Variants in USP10 observed in about 807,000 individuals in gnomAD.
The protein encoded by USP10 is ubiquitin carboxyl-terminal hydrolase 10.
A neutral mutation model predicts 84.5 loss-of-function variants in USP10; 22 were observed. That is an observed-to-expected ratio of 0.26 (90% CI 0.19 to 0.37). The LOEUF (loss-of-function observed/expected upper bound fraction) is 0.37. Among genes scored for constraint, USP10 ranks in the 10% least tolerant of loss-of-function variants. USP10 has a pLI of 1.00. For missense variants in USP10, 1,019 were observed against 998.9 expected, an observed-to-expected ratio of 1.02 and a Z score of -0.27; for synonymous variants, 454 against 387.6, an observed-to-expected ratio of 1.17 and a Z score of -2.01.
chr16:84,732,298 G>A (rs1909331314), intron 1 of USP10, among the ~76,000 whole-genome samples: 1 of 152,124 alleles, frequency 6.6e-6, no homozygotes, highest in Non-Finnish European at 1.5e-5. Flanking sequence ...TTAGAACAGA[G>A]GAACCACACT....
chr16:84,755,805 A>T (rs1399897293), intron 4 of USP10, among the ~76,000 whole-genome samples: 1 of 152,022 alleles, frequency 6.6e-6, no homozygotes, highest in Non-Finnish European at 1.5e-5. Flanking sequence ...CAAAAAAAAA[A>T]AAAAAAATCA....
intron 11 of USP10, among the ~76,000 whole-genome samples, chr16:84,771,655 G>A (rs1257116788): frequency 6.6e-6 from 1 of 152,138 alleles, no homozygotes; most frequent in African/African-American, 2.4e-5. Flanking sequence ...GATCACCTGA[G>A]GTCAGGAGTT....
intron 4 of USP10, among the ~76,000 whole-genome samples, chr16:84,753,994 A>AT (rs1289135995): frequency 6.6e-6 from 1 of 152,154 alleles, no homozygotes; most frequent in Non-Finnish European, 1.5e-5. Context: ...GCTAGTAGGG[A>AT]TGGCAGTAAC....
chr16:84,775,574 C>T (rs910887725), intron 13 of USP10, among the ~76,000 whole-genome samples: 7 of 152,182 alleles, frequency 4.6e-5, no homozygotes, highest in Admixed American at 4.6e-4. Context: ...GGAGTTTCCA[C>T]GACACCTGGT....
chr16:84,775,037 T>C, intron 12 of USP10, 123 bp from the exon 13 acceptor site: 1 of 812,392 alleles, frequency 1.2e-6, no homozygotes. Context: ...GGATAGAGTG[T>C]TGTTTTGTTC....
chr16:84,745,074 G>A lies in USP10; in HGVS notation c.593G>A (p.Gly198Asp). 2.5e-6 allele frequency: 4 copies of A among 1,613,656 alleles called. No homozygotes were observed. The highest frequency in any genetic ancestry group is 2.5e-6 in the Non-Finnish European group (3 of 1,179,630). Residue 198 changes from glycine (G) to aspartate (D), a missense_variant, in exon 4 of 14, where the codon GGT becomes GAT. By Grantham distance (94) the Gly-to-Asp change is moderately conservative. Coordinates refer to ENST00000219473, the MANE Select transcript of USP10 (RefSeq NM_005153.3). ...AGTGCAGAGGATGCAGAATTTATGG[G>A]TGACATGCCCCCGTCAGTTACGCCC... ...SVSAEDAEFM[G>D]DMPPSVTPRT...
chr16:84,729,413 A>T (rs1226348688), intron 1 of USP10, among the ~76,000 whole-genome samples: 1 of 152,218 alleles, frequency 6.6e-6, no homozygotes, highest in Non-Finnish European at 1.5e-5. Flanking sequence ...TAACTCCCCA[A>T]ATAGAGGATT....
At chr16:84,702,374 T>A (rs1355671363) in intron 1 of USP10, among the ~76,000 whole-genome samples, 1 of 152,136 alleles carries the variant, frequency 6.6e-6, no homozygotes, top group African/African-American at 2.4e-5. Flanking sequence ...TCTCATAATT[T>A]TCATTTTAAA....
rs1308633685 is a variant in USP10, at chr16:84,763,108, C to A, written c.1654+20C>A. The A allele has an allele frequency of 4.5e-6, 7 of 1,550,684 alleles. No homozygotes were observed. In the African/African-American group the frequency reaches 5.4e-5, roughly 12 times the overall value. ...ATGAAAGTAGGTTATGGTCCACTTG[C>A]CGCAGAGTTGTGCAAGAGTTCGCTG... On this transcript the variant is annotated intron_variant, in intron 9 of 13. Coordinates refer to ENST00000219473, the MANE Select transcript of USP10 (RefSeq NM_005153.3).
chr16:84,720,051 A>C (rs7188512), intron 1 of USP10, among the ~76,000 whole-genome samples: 46,225 of 152,120 alleles, frequency 0.3, 7,027 homozygotes, highest in South Asian at 0.37. Context: ...TCTGTGCTTG[A>C]TCTTAACACC....
At chr16:84,766,382 C>T (rs1017389801) in intron 10 of USP10, among the ~76,000 whole-genome samples, 4 of 152,266 alleles carry the variant, frequency 2.6e-5, no homozygotes, top group African/African-American at 4.8e-5. Context: ...AAACACCCAG[C>T]CCTGACCACT....
chr16:84,722,385 T>C (rs1057019490), intron 1 of USP10, among the ~76,000 whole-genome samples: 2 of 152,260 alleles, frequency 1.3e-5, no homozygotes, highest in African/African-American at 4.8e-5. Flanking sequence ...GCTGTTCACA[T>C]TCATGTACAA....
intron 4 of USP10, among the ~76,000 whole-genome samples, chr16:84,755,968 G>GC (rs978123245): frequency 6.6e-6 from 1 of 152,114 alleles, no homozygotes; most frequent in African/African-American, 2.4e-5. Context: ...TAGCACTGCT[G>GC]CCCCAGTCAG....
intron 13 of USP10, among the ~76,000 whole-genome samples, chr16:84,778,449 A>G (rs1037273858): frequency 6.6e-6 from 1 of 152,180 alleles, no homozygotes. Context: ...TCTAGTGGCT[A>G]TTGAGGTTTT....
rs375207314 is a variant in USP10, at chr16:84,767,924, G to A, written c.1833-269G>A. Among the ~76,000 whole-genome samples, 52 of 152,216 alleles carry A rather than the reference G, an allele frequency of 3.4e-4. No homozygotes were observed. In the East Asian group the frequency reaches 4.6e-3, roughly 14 times the overall value. On this transcript the variant is annotated intron_variant, in intron 10 of 13. Coordinates refer to ENST00000219473, the MANE Select transcript of USP10 (RefSeq NM_005153.3). The stretch of plus-strand genomic sequence containing the variant: ...GGTTTTCCTAGGCAGAGGACCCTGC[G>A]GCCTTCCGCAGTGTTTGTGTCCCTG...
intron 10 of USP10, among the ~76,000 whole-genome samples, chr16:84,765,259 G>T (rs569296981): frequency 6.6e-6 from 1 of 151,236 alleles, no homozygotes; most frequent in Non-Finnish European, 1.5e-5. Context: ...TTACCCTTGT[G>T]TGTGTGTGTG....
At chr16:84,700,435 G>A (rs1006687462) in intron 1 of USP10, among the ~76,000 whole-genome samples, 33 of 151,964 alleles carry the variant, frequency 2.2e-4, no homozygotes, top group African/African-American at 7.5e-4. Flanking sequence ...GTGTGGAGTG[G>A]GGCCCTCCCC....
In USP10 at chr16:84,764,120, G is replaced by A. The variant is rs117002428; in HGVS notation, c.1689G>A (p.Ser563=). ...LTISNGPKNH[S]VNEEEQEEQG... The stretch of plus-strand genomic sequence containing the variant: ...TTTCCAACGGCCCCAAAAACCACTC[G>A]GTCAATGAAGAAGAGCAGGAAGAAC... Residue 563 remains serine, a synonymous_variant, in exon 10 of 14, where the codon TCG becomes TCA. Transcript: ENST00000219473. 28 of 1,612,624 alleles carry A rather than the reference G, an allele frequency of 1.7e-5. 1 individual carries two copies. Among genetic ancestry groups the A allele is most frequent in the Admixed American group, 1.7e-4 (10 of 59,744 alleles).
chr16:84,775,607 G>C (rs373228637), intron 13 of USP10, among the ~76,000 whole-genome samples: 1 of 152,166 alleles, frequency 6.6e-6, no homozygotes, highest in African/African-American at 2.4e-5. Flanking sequence ...TTGGGTGAGC[G>C]CGCCCCCAGC....
Sources: allele counts gnomAD v4.1 joint callset (sites outside exome capture counted in the v4.1 genomes callset), GRCh38; gene constraint gnomAD v4.1.1; transcripts MANE v1.5; gene names NCBI Gene and HGNC (gene_info 2026-07-23, HGNC 2026-07-21).